OPCML: variants seen among roughly 807,000 people sequenced by gnomAD.
OPCML encodes opioid-binding protein/cell adhesion molecule.
OPCML carries 13 observed loss-of-function variants against 37.8 expected under a neutral mutation model. The observed-to-expected ratio is 0.34, with a 90% CI of 0.22 to 0.55. The LOEUF (loss-of-function observed/expected upper bound fraction) is 0.55, where lower values mean the gene tolerates loss of function less well. Among genes scored for constraint, OPCML ranks in the 20% least tolerant of loss-of-function variants. OPCML has a pLI of 0.91. For missense variants in OPCML, 341 were observed against 435.6 expected (o/e 0.78, Z 1.93); for synonymous variants, 176 against 168.8 (o/e 1.04, Z -0.33).
At chr11:132,420,471 T>C (rs2095954417) in intron 7 of OPCML, 178 bp from the exon 8 acceptor site, 1 of 821,772 alleles carries the variant, frequency 1.2e-6, no homozygotes, top group Non-Finnish European at 1.5e-6. Flanking sequence ...GGGCAAGCTG[T>C]TGGGATGCCT....
chr11:133,373,184 T>C (rs1307959869), intron 1 of OPCML, among the ~76,000 whole-genome samples: 1 of 152,026 alleles, frequency 6.6e-6, no homozygotes, highest in Non-Finnish European at 1.5e-5. Flanking sequence ...CTCATTTCAA[T>C]TTCAAAAATT....
At chr11:133,432,361 T>TA (rs111307212) in intron 1 of OPCML, among the ~76,000 whole-genome samples, 2,291 of 152,118 alleles carry the variant, frequency 0.015, 43 homozygotes, top group African/African-American at 0.051. Flanking sequence ...TCTATTTTTT[T>TA]AAAAAAAACA....
chr11:133,408,815 A>C (rs927893441), intron 1 of OPCML, among the ~76,000 whole-genome samples: 3 of 152,236 alleles, frequency 2.0e-5, no homozygotes, highest in Admixed American at 1.3e-4. Context: ...TTTTCTCATC[A>C]TTGTTATAAT....
intron 1 of OPCML, among the ~76,000 whole-genome samples, chr11:132,982,481 A>T (rs1173135181): frequency 1.3e-5 from 2 of 151,198 alleles, no homozygotes; most frequent in Non-Finnish European, 2.9e-5. Flanking sequence ...ACAAGACAAG[A>T]AAGTAAAAAA....
At chr11:133,028,560 T>TGAGA (rs148115731) in intron 1 of OPCML, among the ~76,000 whole-genome samples, 26 of 146,556 alleles carry the variant, frequency 1.8e-4, no homozygotes, top group African/African-American at 4.8e-4. Flanking sequence ...TGTGTACATG[T>TGAGA]GAGAGAGAGA....
chr11:132,808,980 C>T (rs2136220933), intron 2 of OPCML, among the ~76,000 whole-genome samples: 1 of 150,670 alleles, frequency 6.6e-6, no homozygotes, highest in Non-Finnish European at 1.5e-5. Flanking sequence ...AAAATTTGGT[C>T]GGTGGGGGCG....
chr11:133,501,980 C>A (rs1458207767), intron 1 of OPCML, among the ~76,000 whole-genome samples: 1 of 152,122 alleles, frequency 6.6e-6, no homozygotes, highest in Non-Finnish European at 1.5e-5. Context: ...TCCACGACCG[C>A]TGCTGCCTCC....
At chr11:132,905,720 C>T (rs537923243) in intron 2 of OPCML, among the ~76,000 whole-genome samples, 10 of 152,176 alleles carry the variant, frequency 6.6e-5, no homozygotes, top group African/African-American at 2.2e-4. Flanking sequence ...AAAAGTGAGC[C>T]CTTGAGTCAA....
At chr11:133,490,435 G>A (rs1336999003) in intron 1 of OPCML, among the ~76,000 whole-genome samples, 1 of 152,102 alleles carries the variant, frequency 6.6e-6, no homozygotes, top group Non-Finnish European at 1.5e-5. Flanking sequence ...GACATAAATT[G>A]ATACAGCCAT....
chr11:133,315,109 C>G (rs985605149), intron 1 of OPCML, among the ~76,000 whole-genome samples: 1 of 152,042 alleles, frequency 6.6e-6, no homozygotes, highest in Non-Finnish European at 1.5e-5. Context: ...ATGCATGTCT[C>G]TTATTATACA....
intron 1 of OPCML, among the ~76,000 whole-genome samples, chr11:133,011,016 T>A (rs148109521): frequency 6.6e-6 from 1 of 152,184 alleles, no homozygotes; most frequent in Non-Finnish European, 1.5e-5. Flanking sequence ...GGAATTTTTT[T>A]AGAAAGATGT....
intron 1 of OPCML, among the ~76,000 whole-genome samples, chr11:133,318,335 C>T (rs547779824): frequency 5.3e-5 from 8 of 152,324 alleles, no homozygotes; most frequent in South Asian, 4.1e-4. Flanking sequence ...GAACTCCTCA[C>T]GCTCTATACC....
intron 3 of OPCML, among the ~76,000 whole-genome samples, chr11:132,554,833 A>T (rs2096390520): frequency 6.7e-6 from 1 of 149,408 alleles, no homozygotes; most frequent in Admixed American, 6.7e-5. Flanking sequence ...GAAAATAAAA[A>T]GTAAATAAAA....
chr11:133,428,978 C>G (rs967424826), intron 1 of OPCML, among the ~76,000 whole-genome samples: 10 of 151,978 alleles, frequency 6.6e-5, no homozygotes, highest in African/African-American at 2.4e-4. Context: ...CATACGAGTT[C>G]AATAATTGAC....
intron 1 of OPCML, among the ~76,000 whole-genome samples, chr11:133,286,419 G>T (rs1201575112): frequency 7.2e-6 from 1 of 139,102 alleles, no homozygotes; most frequent in Non-Finnish European, 1.5e-5. Flanking sequence ...GCAGTGAGCC[G>T]AGATCGCGCC....
rs1285429559 is a variant in OPCML, at chr11:133,519,142, G to T, written c.61+13122C>A. Among the ~76,000 whole-genome samples, 5 of 152,142 alleles carry T rather than the reference G, an allele frequency of 3.3e-5. No individual in the cohort carries two copies. In the East Asian group the frequency reaches 9.7e-4, roughly 29 times the overall value. On this transcript the variant is annotated intron_variant, in intron 1 of 7. Coordinates refer to ENST00000524381, the MANE Select transcript of OPCML (RefSeq NM_001012393.5). ...TCCCAGCAGAACCTTGTGCTGGGTG[G>T]TCTGGGCTTCACCTTTGCCCTTCCT...
At chr11:133,004,981 G>A in intron 1 of OPCML, 1 of 985,310 alleles carries the variant, frequency 1.0e-6, no homozygotes, top group Non-Finnish European at 1.2e-6. Flanking sequence ...CTTCCCACCT[G>A]GACTGCTGCA....
intron 4 of OPCML, among the ~76,000 whole-genome samples, chr11:132,487,203 G>A (rs1319192114): frequency 6.6e-6 from 1 of 152,186 alleles, no homozygotes; most frequent in Admixed American, 6.5e-5. Context: ...GTCACTGAGA[G>A]ACGGTTACTC....
At chr11:132,773,215 C>T (rs1247824850) in intron 2 of OPCML, 1 of 152,096 alleles carries the variant, frequency 6.6e-6, no homozygotes, top group South Asian at 2.1e-4. Flanking sequence ...CTGAGATAGA[C>T]CCGAAAGAAA....
Sources: gnomAD v4.1 joint callset for allele counts (sites outside exome capture counted in the v4.1 genomes callset) on GRCh38, gnomAD v4.1.1 for gene constraint, MANE v1.5 for transcripts, NCBI Gene and HGNC (gene_info 2026-07-23, HGNC 2026-07-21) for gene names.